LGR5: variants seen among roughly 807,000 people sequenced by gnomAD.
LGR5 encodes leucine-rich repeat-containing G protein-coupled receptor 5.
In LGR5, 54 loss-of-function variants were observed where a neutral mutation model predicts 76.7. That is an observed-to-expected ratio of 0.70 (90% confidence interval 0.57 to 0.88). The LOEUF (loss-of-function observed/expected upper bound fraction) is 0.88, where lower values mean the gene tolerates loss of function less well. Among genes scored for constraint, LGR5 ranks in the 40% least tolerant of loss-of-function variants. The pLI is 0.00. For synonymous variants in LGR5, 406 were observed against 421.9 expected (o/e 0.96, Z 0.46); for missense variants, 1,078 against 1,073.3 (o/e 1.00, Z -0.06).
intron 4 of LGR5, among the ~76,000 whole-genome samples, chr12:71,539,208 A>G (rs1282232730): frequency 1.3e-5 from 2 of 152,210 alleles, no homozygotes; most frequent in African/African-American, 4.8e-5. Flanking sequence ...TAAAATTGTT[A>G]GTGTTCTATA....
At chr12:71,580,978 A>G (rs1879067200) in intron 16 of LGR5, among the ~76,000 whole-genome samples, 1 of 152,144 alleles carries the variant, frequency 6.6e-6, no homozygotes, top group Non-Finnish European at 1.5e-5. Context: ...TTATATTTAT[A>G]TGTATAATTA....
chr12:71,580,417 G>C lies in LGR5; in HGVS notation c.1546G>C (p.Ala516Pro). 6.2e-7 allele frequency: 1 copy of C among 1,612,842 alleles called. No homozygotes were observed. Among genetic ancestry groups the C allele is most frequent in the Non-Finnish European group, 8.5e-7 (1 of 1,179,486 alleles). ...TAAGAAAGATGCTGGAATGTTTCAG[G>C]CTCAAGGTAGGACTTGCTATGCCAT... The part of the protein sequence containing the change: ...LHKKDAGMFQ[A>P]QDERDLEDFL... Residue 516 changes from alanine to proline, a missense_variant, in exon 16 of 18, where the codon GCT becomes CCT. Physicochemically the swap from Ala to Pro is conservative, Grantham distance 27. Transcript: ENST00000266674.
intron 1 of LGR5, among the ~76,000 whole-genome samples, chr12:71,479,498 A>C (rs1345698639): frequency 1.3e-5 from 2 of 152,202 alleles, no homozygotes; most frequent in Non-Finnish European, 2.9e-5. Context: ...TCAAGAAAGT[A>C]AGTCAGTAAG....
At chr12:71,470,987 A>G (rs1439903834) in intron 1 of LGR5, among the ~76,000 whole-genome samples, 1 of 152,224 alleles carries the variant, frequency 6.6e-6, no homozygotes, top group African/African-American at 2.4e-5. Context: ...AGCACTTACC[A>G]AATTCATAAC....
intron 1 of LGR5, among the ~76,000 whole-genome samples, chr12:71,461,474 T>C (rs978660794): frequency 4.6e-5 from 7 of 152,212 alleles, no homozygotes; most frequent in African/African-American, 1.7e-4. Context: ...GCATCCTCTA[T>C]TTCCGCCTTT....
Position 71,572,853 on chromosome 12 carries a change from C to A in LGR5, c.1140C>A (p.Asp380Glu). 1 of 1,612,480 alleles carries A rather than the reference C, an allele frequency of 6.2e-7. No individual in the cohort carries two copies. Among genetic ancestry groups the A allele is most frequent in the Non-Finnish European group, 8.5e-7 (1 of 1,178,658 alleles). ...FSVCQKLQKI[D>E]LRHNEIYEIK... is the part of the protein sequence containing the mutation. ...CTTTGGAACCCTGTCATTTCAGTGACCTAAGACATAATGAAATCTACGAAA... is the reference window on the plus strand; with the variant it reads ...CTTTGGAACCCTGTCATTTCAGTGAACTAAGACATAATGAAATCTACGAAA... The change falls in exon 13 of 18, where the codon GAC becomes GAA. Residue 380 changes from aspartate to glutamate, a missense_variant. Asp to Glu is a conservative substitution (Grantham distance 45, BLOSUM62 2). Coordinates refer to ENST00000266674, the MANE Select transcript of LGR5 (RefSeq NM_003667.4).
chr12:71,504,606 C>A lies in LGR5; in HGVS notation c.213-8C>A. On this transcript the variant is annotated splice_region_variant and splice_polypyrimidine_tract_variant and intron_variant, in intron 1 of 17. Transcript: ENST00000266674. ...TGCTCCTCACACGCTGTCTGTTTTC[C>A]CCCCCAGAGACCTCAGTATGAACAA... 1 of 1,613,286 alleles carries A rather than the reference C, an allele frequency of 6.2e-7. No individual in the cohort carries two copies. Among genetic ancestry groups the A allele is most frequent in the Non-Finnish European group, 8.5e-7 (1 of 1,179,336 alleles).
intron 1 of LGR5, among the ~76,000 whole-genome samples, chr12:71,501,551 T>C (rs1357041953): frequency 6.6e-6 from 1 of 152,208 alleles, no homozygotes; most frequent in Non-Finnish European, 1.5e-5. Context: ...ATTCTTGATA[T>C]GAAGGCAAGA....
chr12:71,560,643 T>G (rs983787960), intron 7 of LGR5, among the ~76,000 whole-genome samples: 1 of 152,114 alleles, frequency 6.6e-6, no homozygotes, highest in Non-Finnish European at 1.5e-5. Context: ...AATACAAAAA[T>G]TGGCTGGGCC....
chr12:71,548,732 AG>A, intron 4 of LGR5, among the ~76,000 whole-genome samples: 1 of 152,006 alleles, frequency 6.6e-6, no homozygotes. Context: ...GATTTGGCCA[AG>A]GTCATACAGC....
chr12:71,526,876 G>A (rs1452686641), intron 3 of LGR5, among the ~76,000 whole-genome samples: 3 of 152,120 alleles, frequency 2.0e-5, no homozygotes, highest in Non-Finnish European at 4.4e-5. Context: ...GGCCGACTGA[G>A]GGGACAATAC....
intron 16 of LGR5, 88 bp downstream of exon 16, chr12:71,580,511 A>G: frequency 7.2e-7 from 1 of 1,393,392 alleles, no homozygotes; most frequent in Non-Finnish European, 1.0e-6. Context: ...AAGTCATCGA[A>G]CAGGCCGGGT....
intron 1 of LGR5, among the ~76,000 whole-genome samples, chr12:71,463,552 A>C (rs1720001687): frequency 6.6e-6 from 1 of 152,210 alleles, no homozygotes; most frequent in Non-Finnish European, 1.5e-5. Context: ...CAAAGTACTC[A>C]GTACAGCACC....
intron 1 of LGR5, among the ~76,000 whole-genome samples, chr12:71,449,548 C>T (rs1872165630): frequency 6.6e-6 from 1 of 152,156 alleles, no homozygotes; most frequent in African/African-American, 2.4e-5. Flanking sequence ...AAGTGTCCAC[C>T]TTCCACCTCC....
intron 1 of LGR5, among the ~76,000 whole-genome samples, chr12:71,462,918 A>G (rs1872735400): frequency 6.6e-6 from 1 of 152,132 alleles, no homozygotes; most frequent in Non-Finnish European, 1.5e-5. Flanking sequence ...AACTCACACC[A>G]AAGTAGTCAT....
intron 1 of LGR5, among the ~76,000 whole-genome samples, chr12:71,486,117 A>T (rs1873814794): frequency 6.6e-6 from 1 of 152,078 alleles, no homozygotes; most frequent in African/African-American, 2.4e-5. Flanking sequence ...ACAATTTTTC[A>T]GGCCTTATCT....
At chr12:71,564,836 A>G (rs1197633774) in intron 8 of LGR5, among the ~76,000 whole-genome samples, 1 of 127,836 alleles carries the variant, frequency 7.8e-6, no homozygotes, top group Non-Finnish European at 1.9e-5. Flanking sequence ...ATATATGTAC[A>G]CACACACTGT....
chr12:71,544,851 T>C (rs1877072791), intron 4 of LGR5, among the ~76,000 whole-genome samples: 1 of 152,242 alleles, frequency 6.6e-6, no homozygotes, highest in South Asian at 2.1e-4. Flanking sequence ...TTTTATTTCT[T>C]AAAATTTATA....
chr12:71,531,738 C>T (rs1876322062), intron 3 of LGR5, among the ~76,000 whole-genome samples: 1 of 152,208 alleles, frequency 6.6e-6, no homozygotes, highest in East Asian at 1.9e-4. Context: ...GGTAGTGGCG[C>T]ACGCCTCTAA....
Sources: allele counts gnomAD v4.1 joint callset (sites outside exome capture counted in the v4.1 genomes callset), GRCh38; gene constraint gnomAD v4.1.1; transcripts MANE v1.5; gene names NCBI Gene and HGNC (gene_info 2026-07-23, HGNC 2026-07-21).